CNTNAP2: variants seen among roughly 807,000 people sequenced by gnomAD.
CNTNAP2 encodes the protein contactin associated protein 2.
CNTNAP2 carries 98 observed loss-of-function variants against 155.2 expected under a neutral mutation model. The ratio of observed to expected loss-of-function variants is 0.63; its 90% CI spans 0.54 to 0.75. CNTNAP2 has a LOEUF of 0.75. Ranked by LOEUF, CNTNAP2 falls within the 30% of genes least tolerant of loss-of-function variation. The pLI, the probability that CNTNAP2 is intolerant of heterozygous loss-of-function variation, is 0.00. For missense variants in CNTNAP2, 1,727 were observed against 1,688.1 expected, an observed-to-expected ratio of 1.02 and a Z score of -0.40; for synonymous variants, 651 against 631.2, an observed-to-expected ratio of 1.03 and a Z score of -0.47.
intron 13 of CNTNAP2, among the ~76,000 whole-genome samples, chr7:147,756,731 A>G (rs1326281869): frequency 6.6e-6 from 1 of 152,238 alleles, no homozygotes; most frequent in Non-Finnish European, 1.5e-5. Flanking sequence ...AGACATCAGT[A>G]TTATAACTGT....
At chr7:146,442,533 C>G (rs374688901) in intron 1 of CNTNAP2, among the ~76,000 whole-genome samples, 1 of 151,860 alleles carries the variant, frequency 6.6e-6, no homozygotes, top group East Asian at 1.9e-4. Flanking sequence ...TTTACCTCAT[C>G]AAAAAAACTC....
chr7:146,894,663 T>A (rs1199979195), intron 3 of CNTNAP2, among the ~76,000 whole-genome samples: 1 of 152,206 alleles, frequency 6.6e-6, no homozygotes, highest in East Asian at 1.9e-4. Context: ...TGCATTTTTT[T>A]ATTAACTTGT....
At chr7:148,079,572 A>G (rs1443756834) in intron 15 of CNTNAP2, among the ~76,000 whole-genome samples, 1 of 152,236 alleles carries the variant, frequency 6.6e-6, no homozygotes, top group Non-Finnish European at 1.5e-5. Flanking sequence ...GATTAGGGAA[A>G]AGACCTGGAA....
intron 3 of CNTNAP2, among the ~76,000 whole-genome samples, chr7:146,932,465 C>A (rs1205520181): frequency 6.6e-6 from 1 of 152,044 alleles, no homozygotes; most frequent in Non-Finnish European, 1.5e-5. Flanking sequence ...CTATGACAAA[C>A]CCACAGCCAA....
chr7:146,842,998 T>TAAACAACCAGATCTCC (rs1803768140), intron 3 of CNTNAP2, among the ~76,000 whole-genome samples: 15 of 55,786 alleles, frequency 2.7e-4, no homozygotes, highest in African/African-American at 1.4e-3. Flanking sequence ...CCCACACTTT[T>TAAACAACCAGATCTCC]TTTTTTTTTT....
intron 1 of CNTNAP2, among the ~76,000 whole-genome samples, chr7:146,253,966 A>T: frequency 6.6e-6 from 1 of 152,078 alleles, no homozygotes; most frequent in Non-Finnish European, 1.5e-5. Flanking sequence ...GGAGGCTGAC[A>T]TGGGAGGATT....
intron 12 of CNTNAP2, among the ~76,000 whole-genome samples, chr7:147,576,524 A>G (rs1351937721): frequency 6.6e-6 from 1 of 152,050 alleles, no homozygotes; most frequent in East Asian, 1.9e-4. Flanking sequence ...TTATACTGGG[A>G]TCAGGTAACT....
At chr7:147,953,150 A>G (rs1031177288) in intron 14 of CNTNAP2, among the ~76,000 whole-genome samples, 3 of 152,192 alleles carry the variant, frequency 2.0e-5, no homozygotes, top group African/African-American at 7.2e-5. Context: ...TGTCTTGCTC[A>G]CTTTGCGTTT....
At chr7:148,232,733 T>C (rs1203444282) in intron 20 of CNTNAP2, among the ~76,000 whole-genome samples, 1 of 152,228 alleles carries the variant, frequency 6.6e-6, no homozygotes, top group Non-Finnish European at 1.5e-5. Context: ...AAGGTGAATG[T>C]TGATGCATTT....
At chr7:147,246,054 T>TGC in intron 8 of CNTNAP2, among the ~76,000 whole-genome samples, 1 of 149,382 alleles carries the variant, frequency 6.7e-6, no homozygotes, top group East Asian at 1.9e-4. Context: ...CATATATATA[T>TGC]ACACATATAT....
intron 12 of CNTNAP2, among the ~76,000 whole-genome samples, chr7:147,627,142 C>T (rs1584864988): frequency 1.3e-5 from 2 of 152,288 alleles, no homozygotes; most frequent in Middle Eastern, 6.8e-3. Context: ...AAGGGATCAC[C>T]CTGTGGGACA....
intron 8 of CNTNAP2, among the ~76,000 whole-genome samples, chr7:147,267,326 G>C (rs1297228176): frequency 6.6e-6 from 1 of 152,146 alleles, no homozygotes; most frequent in Non-Finnish European, 1.5e-5. Flanking sequence ...AGACAACAGT[G>C]AAAGTAATGG....
intron 15 of CNTNAP2, among the ~76,000 whole-genome samples, chr7:148,030,321 G>A (rs562272070): frequency 2.6e-5 from 4 of 152,110 alleles, no homozygotes; most frequent in African/African-American, 9.7e-5. Context: ...TGTTGCATGG[G>A]GAAAGAAAGT....
chr7:146,737,095 ATAAAT>A (rs757736402), intron 1 of CNTNAP2, among the ~76,000 whole-genome samples: 142 of 152,294 alleles, frequency 9.3e-4, no homozygotes, highest in Non-Finnish European at 1.1e-3. Flanking sequence ...CATCCAAAAA[ATAAAT>A]TAAGAATGTT....
chr7:146,656,350 C>A (rs76518908), intron 1 of CNTNAP2, among the ~76,000 whole-genome samples: 1 of 152,026 alleles, frequency 6.6e-6, no homozygotes, highest in South Asian at 2.1e-4. Context: ...ATCACTGAAT[C>A]GTGAAAATTA....
At chr7:146,568,866 G>A (rs1269084297) in intron 1 of CNTNAP2, among the ~76,000 whole-genome samples, 1 of 151,972 alleles carries the variant, frequency 6.6e-6, no homozygotes, top group African/African-American at 2.4e-5. Context: ...ACTTAATGGA[G>A]TAATATCGTA....
At chr7:146,449,894 T>C (rs1796453197) in intron 1 of CNTNAP2, among the ~76,000 whole-genome samples, 1 of 152,166 alleles carries the variant, frequency 6.6e-6, no homozygotes, top group African/African-American at 2.4e-5. Flanking sequence ...TTCAGGTGAA[T>C]GAAGATTATT....
intron 13 of CNTNAP2, among the ~76,000 whole-genome samples, chr7:147,765,582 A>G (rs1215615525): frequency 6.6e-6 from 1 of 152,166 alleles, no homozygotes; most frequent in African/African-American, 2.4e-5. Flanking sequence ...CAACAGCAGC[A>G]AGTGCTGGCC....
At chr7:147,886,475 CAAAAA>C (rs532837902) in intron 13 of CNTNAP2, among the ~76,000 whole-genome samples, 62 of 39,726 alleles carry the variant, frequency 1.6e-3, no homozygotes, top group African/African-American at 6.1e-3. Context: ...AACTCCATCT[CAAAAA>C]AAAAAAAAAA....
Sources: allele counts gnomAD v4.1 joint callset (sites outside exome capture counted in the v4.1 genomes callset), GRCh38; gene constraint gnomAD v4.1.1; transcripts MANE v1.5; gene names NCBI Gene and HGNC (gene_info 2026-07-23, HGNC 2026-07-21).